ENTREP2: variants seen among roughly 807,000 people sequenced by gnomAD.
ENTREP2 encodes endosomal transmembrane epsin interactor 2.
the ENTREP2 span, among the ~76,000 whole-genome samples, chr15:29,362,230 T>C: frequency 1.3e-5 from 2 of 152,144 alleles, no homozygotes; most frequent in Non-Finnish European, 2.9e-5. Context: ...CTCAGAAGCT[T>C]CTCAGCCAGT....
chr15:29,419,604 C>T, the ENTREP2 span, among the ~76,000 whole-genome samples: 1 of 152,104 alleles, frequency 6.6e-6, no homozygotes, highest in Admixed American at 6.5e-5. Flanking sequence ...AATCTCAAAT[C>T]GTTCAGTAAG....
chr15:29,429,091 C>A, the ENTREP2 span, among the ~76,000 whole-genome samples: 1 of 152,196 alleles, frequency 6.6e-6, no homozygotes, highest in African/African-American at 2.4e-5. Context: ...ATCCATCCAT[C>A]CATCCATCTT....
At chr15:29,160,506 T>C in the ENTREP2 span, among the ~76,000 whole-genome samples, 1,389 of 152,002 alleles carry the variant, frequency 9.1e-3, 19 homozygotes, top group African/African-American at 0.031. Flanking sequence ...GTCAGGAGTT[T>C]GAAACCAGCC....
the ENTREP2 span, among the ~76,000 whole-genome samples, chr15:29,419,372 CA>C: frequency 6.6e-6 from 1 of 151,938 alleles, no homozygotes; most frequent in East Asian, 1.9e-4. Flanking sequence ...GGTTTAACAG[CA>C]AATTAGATAC....
chr15:29,334,246 G>A, the ENTREP2 span, among the ~76,000 whole-genome samples: 2 of 152,244 alleles, frequency 1.3e-5, no homozygotes, highest in Non-Finnish European at 2.9e-5. Flanking sequence ...AGTGAAGAAG[G>A]TCCCGGGGGA....
At chr15:29,304,252 A>G in the ENTREP2 span, among the ~76,000 whole-genome samples, 1 of 152,172 alleles carries the variant, frequency 6.6e-6, no homozygotes, top group Non-Finnish European at 1.5e-5. Flanking sequence ...AAACTAACAA[A>G]GATATTTGGG....
the ENTREP2 span, among the ~76,000 whole-genome samples, chr15:29,314,924 C>T: frequency 1.3e-5 from 2 of 152,050 alleles, no homozygotes; most frequent in South Asian, 2.1e-4. Flanking sequence ...TGGTGGTGCA[C>T]ACCTGTAGTC....
the ENTREP2 span, among the ~76,000 whole-genome samples, chr15:29,490,238 C>T: frequency 3.3e-5 from 5 of 151,870 alleles, no homozygotes; most frequent in African/African-American, 9.7e-5. Context: ...TTTCTTCCTT[C>T]TCTCCCAATG....
the ENTREP2 span, among the ~76,000 whole-genome samples, chr15:29,588,113 A>G: frequency 6.6e-6 from 1 of 152,208 alleles, no homozygotes; most frequent in Admixed American, 6.5e-5. Flanking sequence ...GAAACAAGAC[A>G]TGAAGGCCTC....
chr15:29,624,558 G>A, the ENTREP2 span, among the ~76,000 whole-genome samples: 1 of 152,156 alleles, frequency 6.6e-6, no homozygotes, highest in South Asian at 2.1e-4. Context: ...TGATTTAGCT[G>A]TCGTTCAGTG....
the ENTREP2 span, among the ~76,000 whole-genome samples, chr15:29,335,321 C>G: frequency 1.2e-4 from 19 of 152,284 alleles, no homozygotes; most frequent in Non-Finnish European, 2.1e-4. Context: ...AACAAGTAAG[C>G]AGGACTAATG....
chr15:29,559,336 G>A, the ENTREP2 span, among the ~76,000 whole-genome samples: 8 of 152,006 alleles, frequency 5.3e-5, no homozygotes, highest in African/African-American at 1.9e-4. Flanking sequence ...CAAGGTGACT[G>A]AGCCCCCCTG....
the ENTREP2 span, among the ~76,000 whole-genome samples, chr15:29,156,924 G>A: frequency 2.6e-5 from 4 of 151,984 alleles, no homozygotes; most frequent in Admixed American, 6.6e-5. Context: ...GTGAAACCCC[G>A]TCTCCACTAA....
chr15:29,485,825 A>C, the ENTREP2 span, among the ~76,000 whole-genome samples: 1 of 152,210 alleles, frequency 6.6e-6, no homozygotes, highest in Non-Finnish European at 1.5e-5. Context: ...TACCATCCCA[A>C]CCCAGTTGCA....
At chr15:29,160,499 A>T in the ENTREP2 span, among the ~76,000 whole-genome samples, 1 of 152,090 alleles carries the variant, frequency 6.6e-6, no homozygotes, top group Non-Finnish European at 1.5e-5. Flanking sequence ...ATCTGAGGTC[A>T]GGAGTTTGAA....
chr15:29,170,924 C>T, the ENTREP2 span, among the ~76,000 whole-genome samples: 2 of 152,142 alleles, frequency 1.3e-5, no homozygotes, highest in Non-Finnish European at 2.9e-5. Context: ...TCTATTTGGC[C>T]CACAGTTCTG....
At chr15:29,272,720 T>C in the ENTREP2 span, among the ~76,000 whole-genome samples, 46 of 152,176 alleles carry the variant, frequency 3.0e-4, no homozygotes, top group Non-Finnish European at 5.6e-4. Flanking sequence ...TGAACATTTA[T>C]GCAAGGAGAA....
At chr15:29,589,171 G>A in the ENTREP2 span, among the ~76,000 whole-genome samples, 1 of 152,080 alleles carries the variant, frequency 6.6e-6, no homozygotes, top group Non-Finnish European at 1.5e-5. Flanking sequence ...AGATTCTGGG[G>A]CAGCTGGCAA....
the ENTREP2 span, among the ~76,000 whole-genome samples, chr15:29,540,416 G>A: frequency 2.0e-5 from 3 of 152,096 alleles, no homozygotes; most frequent in Non-Finnish European, 4.4e-5. Context: ...AAGAAAGAAA[G>A]AGGCCAGTGG....
Sources: gnomAD v4.1 joint callset for allele counts (sites outside exome capture counted in the v4.1 genomes callset) on GRCh38, gnomAD v4.1.1 for gene constraint, MANE v1.5 for transcripts, NCBI Gene and HGNC (gene_info 2026-07-23, HGNC 2026-07-21) for gene names.